Variants in LANCL2 observed in about 807,000 individuals in gnomAD.
LANCL2 encodes the protein lanC-like protein 2.
Under a neutral mutation model 56.9 loss-of-function variants are expected in LANCL2, and 33 were observed. That is an observed-to-expected ratio of 0.58 (90% CI 0.44 to 0.78). The LOEUF (loss-of-function observed/expected upper bound fraction) is 0.78. LANCL2 is among the 30% of genes least tolerant of loss of function. The pLI is 0.00. For synonymous variants in LANCL2, 233 were observed against 228.2 expected, an observed-to-expected ratio of 1.02 and a Z score of -0.19; for missense variants, 562 against 580.2, an observed-to-expected ratio of 0.97 and a Z score of 0.32.
chr7:55,415,001 AGAAAAG>A (rs781264447), intron 6 of LANCL2, among the ~76,000 whole-genome samples: 1 of 132,138 alleles, frequency 7.6e-6, no homozygotes, highest in African/African-American at 2.9e-5. Flanking sequence ...AAAAAAAAAA[AGAAAAG>A]AAAAGAAAAA....
chr7:55,407,670 C>A (rs1790424912), intron 5 of LANCL2, among the ~76,000 whole-genome samples: 1 of 152,228 alleles, frequency 6.6e-6, no homozygotes. Context: ...TGCTGGACCC[C>A]CAGGCAAGAG....
intron 1 of LANCL2, among the ~76,000 whole-genome samples, chr7:55,371,669 A>C (rs1392867717): frequency 6.6e-6 from 1 of 152,180 alleles, no homozygotes; most frequent in East Asian, 1.9e-4. Context: ...TTTCTGGTCA[A>C]TCCAAAGGAC....
chr7:55,389,067 G>C (rs761441035), intron 1 of LANCL2, among the ~76,000 whole-genome samples: 1 of 152,090 alleles, frequency 6.6e-6, no homozygotes, highest in Non-Finnish European at 1.5e-5. Context: ...TCTTTTCTTT[G>C]CCCTGTCCTC....
intron 2 of LANCL2, 71 bp downstream of exon 2, chr7:55,391,981 T>A: frequency 1.1e-6 from 1 of 896,410 alleles, no homozygotes; most frequent in South Asian, 1.5e-5. Context: ...TTGACTGAAA[T>A]TTTCTTCTCT....
chr7:55,371,432 C>T (rs1789942276), intron 1 of LANCL2, among the ~76,000 whole-genome samples: 2 of 152,188 alleles, frequency 1.3e-5, no homozygotes, highest in Non-Finnish European at 2.9e-5. Flanking sequence ...CCATGTTGCC[C>T]AGGCTGGTCT....
At chr7:55,374,228 A>G (rs1789975956) in intron 1 of LANCL2, among the ~76,000 whole-genome samples, 1 of 152,194 alleles carries the variant, frequency 6.6e-6, no homozygotes, top group African/African-American at 2.4e-5. Flanking sequence ...TATGCCATAT[A>G]TCCCCTACGA....
rs146225840 is a variant in LANCL2, at chr7:55,416,268, G to A, written c.1008+4179G>A. Among the ~76,000 whole-genome samples the A allele has an allele frequency of 7.5e-4, 114 of 152,132 alleles. 1 individual carries two copies. In the East Asian group the frequency reaches 0.021, roughly 28 times the overall value. ...AATTGTGTATCTTCCTTTGTTGACTGTCTCTTCATATCTTCTTCTTATTAT... is the reference window on the plus strand; with the variant it reads ...AATTGTGTATCTTCCTTTGTTGACTATCTCTTCATATCTTCTTCTTATTAT... On this transcript the variant is annotated intron_variant, in intron 6 of 8. Transcript: ENST00000254770.
intron 6 of LANCL2, among the ~76,000 whole-genome samples, chr7:55,418,661 C>T (rs1171425125): frequency 1.3e-5 from 2 of 152,098 alleles, no homozygotes; most frequent in African/African-American, 4.8e-5. Context: ...TGGTTAGGAG[C>T]TATAGTATAA....
Position 55,428,337 on chromosome 7 carries a change from G to C in LANCL2, c.1186-38G>C, listed in dbSNP as rs372886854. The C allele has an allele frequency of 6.3e-5, 99 of 1,572,410 alleles. No individual in the cohort carries two copies. The African/African-American group carries it at 1.3e-3, about 20-fold the overall frequency. ...TCATTTATTGCCTTTTCACCAGGTA[G>C]AAACTCCAGTCTTAAAAAGAAATCC... is the stretch of plus-strand genomic sequence containing the variant. On this transcript the variant is annotated intron_variant, in intron 7 of 8. Transcript: ENST00000254770.
Position 55,401,248 on chromosome 7 carries a change from G to A in LANCL2, c.753G>A (p.Leu251=). The A allele has an allele frequency of 1.2e-6, 2 of 1,614,122 alleles. No homozygotes were observed. Among genetic ancestry groups the A allele is most frequent in the East Asian group, 4.5e-5 (2 of 44,882 alleles). ...EERKTERCPL[L]YQWHRKQYVG... ...GAAAAACGGAGCGCTGCCCGCTGTTGTACCAGTGGCACCGGAAGCAGTACG... is the reference window on the plus strand; with the variant it reads ...GAAAAACGGAGCGCTGCCCGCTGTTATACCAGTGGCACCGGAAGCAGTACG... The change falls in exon 5 of 9, where the codon TTG becomes TTA. Residue 251 remains leucine, a synonymous_variant. Transcript: ENST00000254770.
intron 2 of LANCL2, among the ~76,000 whole-genome samples, chr7:55,396,720 T>C (rs1027517061): frequency 5.4e-5 from 8 of 147,124 alleles, no homozygotes; most frequent in African/African-American, 1.5e-4. Flanking sequence ...TTTTTTTTTT[T>C]ACTTTACCTT....
chr7:55,407,020 G>C (rs1274436254), intron 5 of LANCL2, among the ~76,000 whole-genome samples: 1 of 152,198 alleles, frequency 6.6e-6, no homozygotes, highest in Non-Finnish European at 1.5e-5. Flanking sequence ...GTCCCCAGTA[G>C]GCATTGCCAT....
intron 7 of LANCL2, among the ~76,000 whole-genome samples, chr7:55,426,006 G>A (rs1442525757): frequency 1.3e-5 from 2 of 152,140 alleles, no homozygotes; most frequent in Admixed American, 1.3e-4. Flanking sequence ...TCTAAGAACG[G>A]AGTGTGTCAC....
In LANCL2 at chr7:55,413,367, G is replaced by T. The variant is rs1178434398; in HGVS notation, c.1008+1278G>T. ...AAAACAAATATATAATTGCTAAAAT[G>T]TGGAAGCTCCTTTTTGTCAAACTCC... On this transcript the variant is annotated intron_variant, in intron 6 of 8. Coordinates refer to ENST00000254770, the MANE Select transcript of LANCL2 (RefSeq NM_018697.4). Among the ~76,000 whole-genome samples the T allele has an allele frequency of 2.0e-5, 3 of 152,176 alleles. No homozygotes were observed. In the East Asian group the frequency reaches 5.8e-4, roughly 29 times the overall value.
chr7:55,401,133 A>G, intron 4 of LANCL2, 41 bp from the exon 5 acceptor site: 1 of 1,567,672 alleles, frequency 6.4e-7, no homozygotes, highest in Non-Finnish European at 8.8e-7. Context: ...AACAGGGTAC[A>G]TATACAGTTT....
chr7:55,430,920 A>G (rs1396990596), intron 8 of LANCL2, among the ~76,000 whole-genome samples: 1 of 152,240 alleles, frequency 6.6e-6, no homozygotes, highest in Non-Finnish European at 1.5e-5. Context: ...GTATAGGAAT[A>G]TCGTAATTAG....
intron 5 of LANCL2, among the ~76,000 whole-genome samples, chr7:55,411,590 T>C (rs1028080854): frequency 6.6e-6 from 1 of 152,204 alleles, no homozygotes; most frequent in African/African-American, 2.4e-5. Context: ...CAAGTATTGG[T>C]ATTTTAACAA....
At chr7:55,394,771 T>G (rs1790230541) in intron 2 of LANCL2, among the ~76,000 whole-genome samples, 1 of 121,646 alleles carries the variant, frequency 8.2e-6, no homozygotes, top group Non-Finnish European at 1.6e-5. Flanking sequence ...CAAATAGCTA[T>G]TCCAGGCAGA....
In LANCL2 at chr7:55,433,379, C is replaced by A. The variant is rs1291317299; in HGVS notation, c.*2059C>A. 6.6e-6 allele frequency: 1 copy of A among 152,216 alleles called. No individual in the cohort carries two copies. Among genetic ancestry groups the A allele is most frequent in the African/African-American group, 2.4e-5 (1 of 41,450 alleles). The allele number at this position is 152,216 out of a possible 1,614,324, so 9.4% of individuals were successfully genotyped here. On this transcript the variant is annotated 3_prime_UTR_variant, in exon 9 of 9. Coordinates refer to ENST00000254770, the MANE Select transcript of LANCL2 (RefSeq NM_018697.4). The stretch of plus-strand genomic sequence containing the variant: ...GGGTTGACACCTTCCTACTTATCCA[C>A]TAGATGTCATCAGAGGTGCTGTTCC...
Sources: gnomAD v4.1 joint callset for allele counts (sites outside exome capture counted in the v4.1 genomes callset) on GRCh38, gnomAD v4.1.1 for gene constraint, MANE v1.5 for transcripts, NCBI Gene and HGNC (gene_info 2026-07-23, HGNC 2026-07-21) for gene names.